TRIM26: variants seen among roughly 807,000 people sequenced by gnomAD.
TRIM26 encodes tripartite motif containing 26, also known as tripartite motif-containing protein 26.
A neutral mutation model predicts 45.5 loss-of-function variants in TRIM26; 16 were observed. That is an observed-to-expected ratio of 0.35 (90% CI 0.24 to 0.53). TRIM26 has a LOEUF of 0.53. TRIM26 is among the 20% of genes least tolerant of loss of function. The pLI is 0.92. For synonymous variants in TRIM26, 273 were observed against 290.4 expected (o/e 0.94, Z 0.61); for missense variants, 442 against 691.1 (o/e 0.64, Z 4.04).
intron 1 of TRIM26, among the ~76,000 whole-genome samples, chr6:30,205,519 C>T (rs1203349256): frequency 6.6e-6 from 1 of 152,158 alleles, no homozygotes; most frequent in East Asian, 1.9e-4. Flanking sequence ...TTATTGGCTC[C>T]AAGAATAATC....
intron 1 of TRIM26, among the ~76,000 whole-genome samples, chr6:30,205,327 C>A (rs1777619133): frequency 1.3e-5 from 2 of 152,186 alleles, no homozygotes. Context: ...CCTGCAATGT[C>A]CTGGTACCCT....
rs540983654 is a variant in TRIM26 at position 30,210,651 on chromosome 6, T to C, written c.-376+2654A>G. On this transcript the variant is annotated intron_variant, in intron 1 of 9. Transcript: ENST00000454678. The stretch of plus-strand genomic sequence containing the variant: ...CCAGTGGATGTCTGAAACCTGTTTC[T>C]CCTACACATACACACTTGTAATAAA... Among the ~76,000 whole-genome samples the C allele has an allele frequency of 1.3e-3, 204 of 152,292 alleles. 2 individuals carry two copies. Among genetic ancestry groups the C allele is most frequent in the African/African-American group, 3.1e-3 (127 of 41,542 alleles).
chr6:30,185,872 G>A lies in TRIM26; in HGVS notation c.*4C>T. 1 of 1,606,456 alleles carries A rather than the reference G, an allele frequency of 6.2e-7. No individual in the cohort carries two copies. ...GGGTTGGGGCTGGGGGCAGATGTCA[G>A]GGCTCAGGGTCTTAGCAGGAGGCGT... is the stretch of plus-strand genomic sequence containing the variant. On this transcript the variant is annotated 3_prime_UTR_variant, in exon 10 of 10. Transcript: ENST00000454678. The surrounding 1 kb of genome is among the most constrained non-coding windows in gnomAD (Gnocchi z 5.7).
Position 30,186,314 on chromosome 6 carries a change from CTCT to C in TRIM26, c.1179_1181del (p.Glu400del). 1 of 1,608,464 alleles carries C rather than the reference CTCT, an allele frequency of 6.2e-7. No homozygotes were observed. Among genetic ancestry groups the C allele is most frequent in the Non-Finnish European group, 8.5e-7 (1 of 1,175,912 alleles). ...AGCCGGCCTCCTCTTCCTCCTCCTC[CTCT>C]TCTCCCTCTTCCTCCTCATCCCCCT... On this transcript the variant is annotated inframe_deletion, in exon 10 of 10. Coordinates refer to ENST00000454678, the MANE Select transcript of TRIM26 (RefSeq NM_003449.5). This position sits in a 1 kb window ranked among gnomAD's most constrained non-coding sequence, Gnocchi z 7.4.
intron 9 of TRIM26, chr6:30,188,659 G>T: frequency 1.4e-5 from 3 of 215,460 alleles, no homozygotes; most frequent in Admixed American, 4.3e-5. Context: ...GTGAAAGTGA[G>T]CCAGGAGGAG....
intron 6 of TRIM26, among the ~76,000 whole-genome samples, chr6:30,194,395 G>C (rs967811070): frequency 6.6e-6 from 1 of 152,166 alleles, no homozygotes; most frequent in African/African-American, 2.4e-5. Context: ...TTCTAGTGTT[G>C]TGCAGCATTG....
In TRIM26 at chr6:30,190,032, T is replaced by G; in HGVS notation, c.769A>C (p.Thr257Pro). Residue 257 changes from threonine to proline, a missense_variant, in exon 7 of 10, where the codon ACG becomes CCG. Thr to Pro is a conservative substitution (Grantham distance 38). Transcript: ENST00000454678. This position sits in a 1 kb window ranked among gnomAD's most constrained non-coding sequence, Gnocchi z 4.3. ...QQPAAELMQD[T>P]RDFLNRYPRK... is the part of the protein sequence containing the mutation. The stretch of plus-strand genomic sequence containing the variant: ...TTTTACCTGTTTAGGAAGTCTCTCG[T>G]GTCCTAGAAGGGAAAGAAAAAAGCA... The G allele has an allele frequency of 1.2e-6, 2 of 1,612,992 alleles. No homozygotes were observed. The highest frequency in any genetic ancestry group is 1.7e-6 in the Non-Finnish European group (2 of 1,179,962).
intron 2 of TRIM26, among the ~76,000 whole-genome samples, chr6:30,201,796 C>T (rs2284167): frequency 0.14 from 20,895 of 151,258 alleles, 1,925 homozygotes; most frequent in East Asian, 0.34. Context: ...TGCAGTGAGC[C>T]GAGATCGTGC....
chr6:30,205,461 C>T (rs1027724555), intron 1 of TRIM26, among the ~76,000 whole-genome samples: 8 of 152,168 alleles, frequency 5.3e-5, no homozygotes, highest in Admixed American at 5.2e-4. Flanking sequence ...TGTCAACAGA[C>T]TGGTCAAGGT....
At chr6:30,197,308 TG>T (rs1159936610) in intron 5 of TRIM26, among the ~76,000 whole-genome samples, 1 of 152,148 alleles carries the variant, frequency 6.6e-6, no homozygotes, top group Non-Finnish European at 1.5e-5. Flanking sequence ...CAGCTGGGGT[TG>T]GGGGAGTCCT....
chr6:30,196,647 T>C lies in TRIM26; in HGVS notation c.634A>G (p.Lys212Glu). 6.2e-7 allele frequency: 1 copy of C among 1,614,212 alleles called. No individual in the cohort carries two copies. The highest frequency in any genetic ancestry group is 8.5e-7 in the Non-Finnish European group (1 of 1,180,034). The change falls in exon 6 of 10, where the codon AAG becomes GAG. Residue 212 changes from lysine (K) to glutamate (E), a missense_variant. Transcript: ENST00000454678. The surrounding 1 kb of genome is among the most constrained non-coding windows in gnomAD (Gnocchi z 4.9). ...CCCTCCGTGAGCTCCTGCTCCAGCT[T>C]CGCCAGCTGTTCCAGCAGGTGTTCC... The part of the protein sequence containing the change: ...REEHLLEQLA[K>E]LEQELTEGRE...
intron 1 of TRIM26, among the ~76,000 whole-genome samples, chr6:30,205,305 CA>C (rs751958065): frequency 2.0e-5 from 3 of 152,104 alleles, no homozygotes; most frequent in Non-Finnish European, 4.4e-5. Flanking sequence ...CAGGAAGATG[CA>C]ACAAACAAGC....
At chr6:30,205,583 A>C (rs1777645715) in intron 1 of TRIM26, among the ~76,000 whole-genome samples, 1 of 152,236 alleles carries the variant, frequency 6.6e-6, no homozygotes. Flanking sequence ...TGTGCCTGTA[A>C]TTCCAGCACT....
At position 30,196,522 on chromosome 6, in the gene TRIM26, G is replaced by A; in HGVS notation, c.759C>T (p.Leu253=). 6.2e-7 allele frequency: 1 copy of A among 1,607,544 alleles called. No homozygotes were observed. The highest frequency in any genetic ancestry group is 8.5e-7 in the Non-Finnish European group (1 of 1,179,940). Residue 253 remains leucine, a synonymous_variant, in exon 6 of 10, where the codon CTC becomes CTT. Coordinates refer to ENST00000454678, the MANE Select transcript of TRIM26 (RefSeq NM_003449.5). This position sits in a 1 kb window ranked among gnomAD's most constrained non-coding sequence, Gnocchi z 4.9. The part of the protein sequence containing the change: ...EGKAQQPAAE[L]MQDTRDFLNR... ...CCCAGGGACGGCCTCTCACCTGCATGAGCTCTGCAGCTGGCTGCTGCGCCT... is the reference window on the plus strand; with the variant it reads ...CCCAGGGACGGCCTCTCACCTGCATAAGCTCTGCAGCTGGCTGCTGCGCCT...
chr6:30,209,012 T>C lies in TRIM26; in HGVS notation c.-375-4247A>G, dbSNP rs1175850823. Reference sequence around the variant, plus strand: ...CCCAATAACAGGCCAAGGAATCCTATAGCAGCAGACCAGATATTGTGCTCC... The same window carrying C: ...CCCAATAACAGGCCAAGGAATCCTACAGCAGCAGACCAGATATTGTGCTCC... On this transcript the variant is annotated intron_variant, in intron 1 of 9. Coordinates refer to ENST00000454678, the MANE Select transcript of TRIM26 (RefSeq NM_003449.5). This position sits in a 1 kb window ranked among gnomAD's most constrained non-coding sequence, Gnocchi z 4.8. Among the ~76,000 whole-genome samples, 1 of 151,602 alleles carries C rather than the reference T, an allele frequency of 6.6e-6. No individual in the cohort carries two copies. The highest frequency in any genetic ancestry group is 2.4e-5 in the African/African-American group (1 of 41,286).
chr6:30,190,089 A>G lies in TRIM26; in HGVS notation c.766-54T>C. 2 of 1,588,904 alleles carry G rather than the reference A, an allele frequency of 1.3e-6. No homozygotes were observed. Among genetic ancestry groups the G allele is most frequent in the Non-Finnish European group, 1.7e-6 (2 of 1,159,226 alleles). ...TCAATATGAATCAAATAAGACTTCA[A>G]TGCATCTGCACCCAACACTGTAGCA... On this transcript the variant is annotated intron_variant, in intron 6 of 9. Coordinates refer to ENST00000454678, the MANE Select transcript of TRIM26 (RefSeq NM_003449.5). The surrounding 1 kb of genome is among the most constrained non-coding windows in gnomAD (Gnocchi z 4.3).
intron 6 of TRIM26, among the ~76,000 whole-genome samples, chr6:30,193,405 C>T (rs1776154260): frequency 6.6e-6 from 1 of 151,176 alleles, no homozygotes; most frequent in Non-Finnish European, 1.5e-5. Context: ...TGGTCTCAAA[C>T]TCCTGACCTC....
At position 30,184,997 on chromosome 6, in the gene TRIM26, C is replaced by T. The variant is rs1376988137; in HGVS notation, c.*879G>A. On this transcript the variant is annotated 3_prime_UTR_variant, in exon 10 of 10. Transcript: ENST00000454678. ...TAGGGCCAGAGACAGAGGCTTAACA[C>T]CCTGCTGGGGAACCCGGTCAGAACT... is the stretch of plus-strand genomic sequence containing the variant. 1 of 152,474 alleles carries T rather than the reference C, an allele frequency of 6.6e-6. No homozygotes were observed. Among genetic ancestry groups the T allele is most frequent in the South Asian group, 2.1e-4 (1 of 4,826 alleles). The allele number at this position is 152,474 out of a possible 1,614,324, so 9.4% of individuals were successfully genotyped here.
intron 2 of TRIM26, among the ~76,000 whole-genome samples, chr6:30,203,867 C>A (rs549819075): frequency 5.8e-4 from 87 of 150,858 alleles, no homozygotes; most frequent in African/African-American, 2.0e-3. Context: ...TGGCTCACTG[C>A]AAAGCAAAAT....
Sources: allele counts gnomAD v4.1 joint callset (sites outside exome capture counted in the v4.1 genomes callset), GRCh38; gene constraint gnomAD v4.1.1; non-coding constraint Gnocchi (gnomAD v3.1); transcripts MANE v1.5; gene names NCBI Gene and HGNC (gene_info 2026-07-23, HGNC 2026-07-21).